Variants in PDZD2 observed in about 807,000 individuals in gnomAD.
PDZD2 encodes the protein PDZ domain containing 2, also known as PDZ domain-containing protein 2.
In PDZD2, 90 loss-of-function variants were observed where a neutral mutation model predicts 220.7. That is an observed-to-expected ratio of 0.41 (90% CI 0.34 to 0.49). The LOEUF is 0.49. Among genes scored for constraint, PDZD2 ranks in the 20% least tolerant of loss-of-function variants. The pLI is 0.28. For missense variants in PDZD2, 3,174 were observed against 3,608.5 expected (o/e 0.88, Z 3.08); for synonymous variants, 1,375 against 1,450.5 (o/e 0.95, Z 1.18).
chr5:31,647,829 A>G (rs1397096560), intron 1 of PDZD2, among the ~76,000 whole-genome samples: 2 of 152,192 alleles, frequency 1.3e-5, no homozygotes, highest in African/African-American at 4.8e-5. Flanking sequence ...TTTGTGATGG[A>G]AAAATGGTGA....
chr5:31,726,512 A>G (rs1189037800), intron 1 of PDZD2, among the ~76,000 whole-genome samples: 2 of 152,202 alleles, frequency 1.3e-5, no homozygotes, highest in East Asian at 1.9e-4. Context: ...CTGGGAGACA[A>G]GAGCGAAACT....
At chr5:31,686,609 C>T (rs1057393727) in intron 1 of PDZD2, among the ~76,000 whole-genome samples, 1 of 152,088 alleles carries the variant, frequency 6.6e-6, no homozygotes, top group Admixed American at 6.6e-5. Context: ...TCTAGTCATC[C>T]GCCTGCCTCG....
chr5:31,917,438 G>A (rs1743790652), intron 2 of PDZD2, among the ~76,000 whole-genome samples: 1 of 152,196 alleles, frequency 6.6e-6, no homozygotes, highest in Non-Finnish European at 1.5e-5. Flanking sequence ...TGAGGCAGGA[G>A]CATCACTTGA....
intron 3 of PDZD2, among the ~76,000 whole-genome samples, chr5:31,988,608 CT>C (rs1750916009): frequency 6.6e-6 from 1 of 152,168 alleles, no homozygotes; most frequent in Admixed American, 6.5e-5. Flanking sequence ...CATTTCTCCC[CT>C]GACTCCAGAA....
In PDZD2 at chr5:31,639,265, C is replaced by G. The variant is rs561848178; in HGVS notation, c.-533C>G. The G allele has an allele frequency of 4.0e-5, 6 of 150,878 alleles. No individual in the cohort carries two copies. The highest frequency in any genetic ancestry group is 5.9e-5 in the Non-Finnish European group (4 of 67,546). The allele number at this position is 150,878 out of a possible 1,614,324, so 9.3% of individuals were successfully genotyped here. A position where few individuals can be genotyped will look rare whatever the true frequency, so the allele number is the denominator to read the frequency against. On this transcript the variant is annotated 5_prime_UTR_variant, in exon 1 of 25. Coordinates refer to ENST00000438447, the MANE Select transcript of PDZD2 (RefSeq NM_178140.4). The surrounding 1 kb of genome is among the most constrained non-coding windows in gnomAD (Gnocchi z 4.1). ...GAGCCGCAGGCCGAACCCAAGGCACCGGGATTGCGCCTCCCGCGGCTGCCG... is the reference window on the plus strand; with the variant it reads ...GAGCCGCAGGCCGAACCCAAGGCACGGGGATTGCGCCTCCCGCGGCTGCCG...
intron 12 of PDZD2, among the ~76,000 whole-genome samples, chr5:32,058,685 A>C (rs1283392524): frequency 1.3e-5 from 2 of 151,760 alleles, no homozygotes; most frequent in East Asian, 1.9e-4. Context: ...AAAAAAAAAA[A>C]AAAAAAAATT....
intron 6 of PDZD2, among the ~76,000 whole-genome samples, chr5:32,027,770 A>G (rs1435258751): frequency 6.6e-6 from 1 of 152,092 alleles, no homozygotes; most frequent in Non-Finnish European, 1.5e-5. Flanking sequence ...GTGCTGATTT[A>G]TTGTTGTCCT....
intron 2 of PDZD2, among the ~76,000 whole-genome samples, chr5:31,845,360 T>C (rs919864072): frequency 2.0e-5 from 3 of 152,338 alleles, no homozygotes; most frequent in Admixed American, 1.3e-4. Flanking sequence ...TAGGTCTTTC[T>C]TATTCCACTA....
At chr5:31,723,198 T>G (rs1336560013) in intron 1 of PDZD2, among the ~76,000 whole-genome samples, 1 of 152,244 alleles carries the variant, frequency 6.6e-6, no homozygotes, top group Admixed American at 6.5e-5. Flanking sequence ...AAACCATTGT[T>G]TTGTTCTTTA....
intron 2 of PDZD2, chr5:31,847,405 C>T: frequency 2.1e-6 from 1 of 482,134 alleles, no homozygotes; most frequent in African/African-American, 1.9e-5. Flanking sequence ...ATAAGTACAA[C>T]ACACCCAAAT....
intron 2 of PDZD2, among the ~76,000 whole-genome samples, chr5:31,888,382 G>A (rs921003441): frequency 1.8e-4 from 28 of 152,242 alleles, no homozygotes; most frequent in African/African-American, 5.5e-4. Flanking sequence ...AGTAGAGATG[G>A]GGTTTCACCA....
At position 31,743,372 on chromosome 5, in the gene PDZD2, C is replaced by T. The variant is rs116126324; in HGVS notation, c.-360-55517C>T. Among the ~76,000 whole-genome samples the T allele has an allele frequency of 1.8e-3, 271 of 151,930 alleles. 3 individuals are homozygous for T. The highest frequency in any genetic ancestry group is 6.3e-3 in the African/African-American group (261 of 41,438). ...GTATTTTTTTGTAGAGATAGGTATTCGCCATGTTGCCCAGGGCTCAAGCGA... is the reference window on the plus strand; with the variant it reads ...GTATTTTTTTGTAGAGATAGGTATTTGCCATGTTGCCCAGGGCTCAAGCGA... On this transcript the variant is annotated intron_variant, in intron 1 of 24. Coordinates refer to ENST00000438447, the MANE Select transcript of PDZD2 (RefSeq NM_178140.4).
chr5:31,765,232 C>T (rs1265593458), intron 1 of PDZD2, among the ~76,000 whole-genome samples: 2 of 152,308 alleles, frequency 1.3e-5, no homozygotes, highest in East Asian at 1.9e-4. Context: ...GGCATTCCTT[C>T]AACACCACTG....
chr5:31,986,724 T>C (rs1750752111), intron 3 of PDZD2, among the ~76,000 whole-genome samples: 1 of 152,228 alleles, frequency 6.6e-6, no homozygotes, highest in African/African-American at 2.4e-5. Flanking sequence ...TCCATTTCTG[T>C]CTTTATAATG....
chr5:31,821,663 G>A (rs141363137), intron 2 of PDZD2, among the ~76,000 whole-genome samples: 1 of 152,288 alleles, frequency 6.6e-6, no homozygotes, highest in African/African-American at 2.4e-5. Context: ...ACAGGCGTGA[G>A]CCACTGTGCC....
intron 2 of PDZD2, among the ~76,000 whole-genome samples, chr5:31,967,357 G>A (rs375154645): frequency 5.9e-5 from 9 of 152,288 alleles, no homozygotes; most frequent in East Asian, 1.9e-4. Context: ...GAGAGTGGCC[G>A]CCTTTTGGAT....
intron 1 of PDZD2, among the ~76,000 whole-genome samples, chr5:31,654,152 A>G (rs945709284): frequency 3.3e-5 from 5 of 152,160 alleles, no homozygotes; most frequent in African/African-American, 9.6e-5. Flanking sequence ...GCCAATGCAC[A>G]TTAGAAACTG....
In PDZD2 at chr5:31,724,858, C is replaced by T. The variant is rs186446484; in HGVS notation, c.-360-74031C>T. Among the ~76,000 whole-genome samples the T allele has an allele frequency of 5.3e-5, 8 of 152,234 alleles. No homozygotes were observed. In the East Asian group the frequency reaches 7.7e-4, roughly 15 times the overall value. On this transcript the variant is annotated intron_variant, in intron 1 of 24. Transcript: ENST00000438447. ...TTAGCAAGCTACATTTCTAGGTTAG[C>T]GGTTCTACCAAATATGAATATGAAA...
Position 32,010,327 on chromosome 5 carries a change from T to C in PDZD2, c.1255-3T>C, listed in dbSNP as rs768701030. ...GGATGGGCCTTTAATTGTGTCCCCA[T>C]AGGAAAACTCCGCAGAGGACCTCCT... is the stretch of plus-strand genomic sequence containing the variant. On this transcript the variant is annotated splice_polypyrimidine_tract_variant and splice_region_variant and intron_variant, in intron 5 of 24. Transcript: ENST00000438447. The C allele has an allele frequency of 8.8e-6, 14 of 1,595,412 alleles. No individual in the cohort carries two copies. The highest frequency in any genetic ancestry group is 1.3e-5 in the African/African-American group (1 of 74,416).
Sources: allele counts gnomAD v4.1 joint callset (sites outside exome capture counted in the v4.1 genomes callset), GRCh38; gene constraint gnomAD v4.1.1; non-coding constraint Gnocchi (gnomAD v3.1); transcripts MANE v1.5; gene names NCBI Gene and HGNC (gene_info 2026-07-23, HGNC 2026-07-21).